Variants in MTUS2 observed in about 807,000 individuals in gnomAD.
MTUS2 encodes the protein microtubule-associated tumor suppressor candidate 2.
Under a neutral mutation model 114.1 loss-of-function variants are expected in MTUS2, and 40 were observed. The observed-to-expected ratio is 0.35, with a 90% CI of 0.27 to 0.46. MTUS2 has a LOEUF of 0.46. Ranked by LOEUF, MTUS2 falls within the 20% of genes least tolerant of loss-of-function variation. The pLI is 1.00. For missense variants in MTUS2, 1,679 were observed against 1,705.4 expected, an observed-to-expected ratio of 0.98 and a Z score of 0.27; for synonymous variants, 688 against 672.0, an observed-to-expected ratio of 1.02 and a Z score of -0.37.
intron 5 of MTUS2, among the ~76,000 whole-genome samples, chr13:29,193,621 A>G (rs1005177284): frequency 6.6e-6 from 1 of 152,228 alleles, no homozygotes; most frequent in Non-Finnish European, 1.5e-5. Flanking sequence ...AGAACATTGC[A>G]TGCTCGTAGG....
intron 7 of MTUS2, among the ~76,000 whole-genome samples, chr13:29,354,635 A>G (rs1178443494): frequency 2.6e-5 from 4 of 152,130 alleles, no homozygotes; most frequent in Admixed American, 2.6e-4. Flanking sequence ...TACAGGGCAT[A>G]CTTATGGGAT....
chr13:29,132,604 CAGT>C (rs1891814208), intron 5 of MTUS2, among the ~76,000 whole-genome samples: 1 of 152,184 alleles, frequency 6.6e-6, no homozygotes, highest in South Asian at 2.1e-4. Context: ...TGGAATCATA[CAGT>C]ATTTGTGTTT....
intron 5 of MTUS2, among the ~76,000 whole-genome samples, chr13:29,167,649 A>C (rs1411123638): frequency 6.6e-6 from 1 of 152,152 alleles, no homozygotes; most frequent in Non-Finnish European, 1.5e-5. Flanking sequence ...GGACTTCATA[A>C]AGTAATACAA....
At chr13:28,897,697 A>G (rs1000895356) in intron 2 of MTUS2, among the ~76,000 whole-genome samples, 3 of 152,210 alleles carry the variant, frequency 2.0e-5, no homozygotes, top group African/African-American at 7.2e-5. Context: ...TGTGGCACAT[A>G]TACACCATGG....
intron 2 of MTUS2, among the ~76,000 whole-genome samples, chr13:28,884,936 G>GT (rs1313676460): frequency 6.6e-6 from 1 of 152,048 alleles, no homozygotes; most frequent in Non-Finnish European, 1.5e-5. Context: ...TGTTGGGAGA[G>GT]TTTATCATTT....
rs373249225 is a variant in MTUS2, at chr13:29,042,627, TATC to T, written c.2446+8505_2446+8507del. ...TTTTCTTGTTGGCAATTTTTTTTATTATCATTTCAATCTTGCTGCTTATTACTG... is the reference window on the plus strand; with the variant it reads ...TTTTCTTGTTGGCAATTTTTTTTATTATTTCAATCTTGCTGCTTATTACTG... On this transcript the variant is annotated intron_variant, in intron 4 of 15. Coordinates refer to ENST00000612955, the MANE Select transcript of MTUS2 (RefSeq NM_001033602.4). 3.5e-3 allele frequency among the ~76,000 whole-genome samples: 537 copies of T among 152,274 alleles called. 4 individuals are homozygous for T. Among genetic ancestry groups the T allele is most frequent in the African/African-American group, 0.012 (505 of 41,576 alleles).
chr13:29,326,836 C>T (rs1036760619), intron 7 of MTUS2, among the ~76,000 whole-genome samples: 17 of 151,908 alleles, frequency 1.1e-4, no homozygotes, highest in Non-Finnish European at 2.4e-4. Context: ...AAAAATTAGC[C>T]AGGTGTGGTG....
intron 5 of MTUS2, among the ~76,000 whole-genome samples, chr13:29,122,112 A>G (rs1430914642): frequency 6.6e-6 from 1 of 152,156 alleles, no homozygotes; most frequent in African/African-American, 2.4e-5. Context: ...TGTACTCTTT[A>G]CTGATGCAAA....
chr13:28,959,821 G>A (rs911349097), intron 2 of MTUS2, among the ~76,000 whole-genome samples: 1 of 152,136 alleles, frequency 6.6e-6, no homozygotes, highest in African/African-American at 2.4e-5. Context: ...TTTCAACATG[G>A]GATTTGGAGG....
intron 5 of MTUS2, among the ~76,000 whole-genome samples, chr13:29,200,489 A>AGTTGTGT (rs1354317737): frequency 8.3e-6 from 1 of 119,972 alleles, no homozygotes; most frequent in African/African-American, 3.3e-5. Context: ...GTTTTTATAT[A>AGTTGTGT]GTTGTGTGGT....
At chr13:28,833,013 A>G (rs865779762) in intron 1 of MTUS2, among the ~76,000 whole-genome samples, 58 of 152,106 alleles carry the variant, frequency 3.8e-4, no homozygotes, top group African/African-American at 1.4e-3. Flanking sequence ...TACCAAACTG[A>G]CTCAAGAAGA....
chr13:28,985,054 C>A (rs1189596842), intron 2 of MTUS2, among the ~76,000 whole-genome samples: 2 of 152,152 alleles, frequency 1.3e-5, no homozygotes, highest in Non-Finnish European at 2.9e-5. Flanking sequence ...TTTGGAATGG[C>A]TGAGGAATGC....
At chr13:29,002,007 G>T in intron 2 of MTUS2, among the ~76,000 whole-genome samples, 1 of 152,178 alleles carries the variant, frequency 6.6e-6, no homozygotes, top group East Asian at 1.9e-4. Context: ...TTCCTGGAGT[G>T]TCCAGAAAGA....
At chr13:29,464,172 C>G (rs1002149370) in intron 9 of MTUS2, among the ~76,000 whole-genome samples, 3 of 152,132 alleles carry the variant, frequency 2.0e-5, no homozygotes, top group Non-Finnish European at 4.4e-5. Flanking sequence ...AGGCTGGGAA[C>G]AGGTGTGGAG....
chr13:29,393,349 C>G (rs1482795665), intron 8 of MTUS2, among the ~76,000 whole-genome samples: 1 of 140,554 alleles, frequency 7.1e-6, no homozygotes, highest in Non-Finnish European at 1.5e-5. Context: ...TTGTCGCTCC[C>G]GCTCCATTTC....
chr13:29,319,010 C>T (rs1900139719), intron 6 of MTUS2, among the ~76,000 whole-genome samples: 1 of 152,098 alleles, frequency 6.6e-6, no homozygotes, highest in Non-Finnish European at 1.5e-5. Context: ...TTCTTCCTTC[C>T]CGGCAAAAGC....
At chr13:28,906,719 A>G (rs2935201) in intron 2 of MTUS2, among the ~76,000 whole-genome samples, 102,430 of 151,020 alleles carry the variant, frequency 0.68, 37,886 homozygotes, top group Non-Finnish European at 0.82. Flanking sequence ...TGCTGAAAAA[A>G]ATGTATATTC....
intron 2 of MTUS2, among the ~76,000 whole-genome samples, chr13:28,905,131 C>T (rs564139878): frequency 6.6e-6 from 1 of 151,672 alleles, no homozygotes; most frequent in African/African-American, 2.4e-5. Flanking sequence ...CTGAAGTTGC[C>T]TATCAGCTTA....
intron 2 of MTUS2, among the ~76,000 whole-genome samples, chr13:28,844,678 A>G (rs1160480056): frequency 6.6e-6 from 1 of 152,006 alleles, no homozygotes; most frequent in African/African-American, 2.4e-5. Context: ...GTGCAGTGGC[A>G]TGATCTAGGC....
Sources: allele counts gnomAD v4.1 joint callset (sites outside exome capture counted in the v4.1 genomes callset), GRCh38; gene constraint gnomAD v4.1.1; transcripts MANE v1.5; gene names NCBI Gene and HGNC (gene_info 2026-07-23, HGNC 2026-07-21).